The following KLK6 variants were observed in gnomAD, a reference collection of about 807,000 sequenced individuals.
KLK6 encodes kallikrein-6.
KLK6 carries 16 observed loss-of-function variants against 21.7 expected under a neutral mutation model. That is an observed-to-expected ratio of 0.74 (90% confidence interval 0.50 to 1.12). KLK6 has a LOEUF of 1.12. Ranked by LOEUF, KLK6 falls within the 50% of genes most tolerant of loss-of-function variation. The probability of loss-of-function intolerance (pLI) is 0.00; values close to 1 mark genes in which losing one functional copy is unlikely to be tolerated. For missense variants in KLK6, 276 were observed against 304.6 expected, an observed-to-expected ratio of 0.91 and a Z score of 0.70; for synonymous variants, 116 against 120.1, an observed-to-expected ratio of 0.97 and a Z score of 0.22.
intron 6 of KLK6, among the ~76,000 whole-genome samples, chr19:50,960,066 G>A (rs2123617685): frequency 1.5e-5 from 1 of 68,222 alleles, no homozygotes; most frequent in African/African-American, 9.4e-5. Context: ...GGAGGGGGGA[G>A]GAGGAGGGGG....
intron 4 of KLK6, among the ~76,000 whole-genome samples, chr19:50,966,612 C>T (rs1200472012): frequency 6.6e-6 from 1 of 152,168 alleles, no homozygotes; most frequent in East Asian, 1.9e-4. Context: ...ACCAGCCTGG[C>T]CAACATGGTG....
In KLK6 at chr19:50,963,499, G is replaced by A. The variant is rs138901003; in HGVS notation, c.248C>T (p.Ser83Phe). The A allele has an allele frequency of 2.8e-5, 45 of 1,614,048 alleles. No individual in the cohort carries two copies. The Admixed American group carries it at 2.8e-4, about 10-fold the overall frequency. ...GKHNLRQRES[S>F]QEQSSVVRAV... ...CCGGACAACAGAACTCTGCTCCTGG[G>A]AACTCTCCCTTTGCCGAAGGTTATG... Residue 83 changes from serine to phenylalanine, a missense_variant, in exon 5 of 7, where the codon TCC becomes TTC. Coordinates refer to ENST00000310157, the MANE Select transcript of KLK6 (RefSeq NM_002774.4).
At position 50,963,317 on chromosome 19, in the gene KLK6, C is replaced by G. The variant is rs748774581; in HGVS notation, c.430G>C (p.Gly144Arg). The change falls in exon 5 of 7, where the codon GGC becomes CGC. Residue 144 changes from glycine to arginine, a missense_variant. Physicochemically the swap from Gly to Arg is moderately radical, Grantham distance 125. Transcript: ENST00000310157. ...CACTACTGACCATCTGCTGTCTTGC[C>G]CCAGCCCAGGATGTGGCAGCTGGTG... ...NTTSCHILGW[G>R]KTADGDFPDT... The G allele has an allele frequency of 6.2e-7, 1 of 1,613,696 alleles. No homozygotes were observed.
chr19:50,966,706 C>A (rs1365166379), intron 4 of KLK6, among the ~76,000 whole-genome samples: 2 of 152,206 alleles, frequency 1.3e-5, no homozygotes, highest in Non-Finnish European at 2.9e-5. Context: ...GGTGCTGAGG[C>A]AGGAGAATCG....
At position 50,963,553 on chromosome 19, in the gene KLK6, G is replaced by T; in HGVS notation, c.198-4C>A. ...CCCCAGGAAGACCTGAAGATTCCTG[G>T]GAAGGAAGAGGGCTGGGTCTCACCT... On this transcript the variant is annotated splice_region_variant and splice_polypyrimidine_tract_variant and intron_variant, in intron 4 of 6. Coordinates refer to ENST00000310157, the MANE Select transcript of KLK6 (RefSeq NM_002774.4). 3.1e-6 allele frequency: 5 copies of T among 1,613,882 alleles called. No homozygotes were observed. The highest frequency in any genetic ancestry group is 4.2e-6 in the Non-Finnish European group (5 of 1,179,914).
Position 50,959,277 on chromosome 19 carries a change from G to A in KLK6, c.622C>T (p.Arg208Ter), listed in dbSNP as rs377282019. The A allele has an allele frequency of 2.0e-5, 33 of 1,613,738 alleles. No homozygotes were observed. Among genetic ancestry groups the A allele is most frequent in the African/African-American group, 5.3e-5 (4 of 74,812 alleles). The stretch of plus-strand genomic sequence containing the variant: ...ATGTTACCCCATGACACAAGGCCTC[G>A]GAGGTGGTCTCCACATACCAGCGGA... ...GGPLVCGDHL[R>*]GLVSWGNIPC... Residue 208 changes from arginine (R) to a stop codon, truncating the protein, a stop_gained, in exon 7 of 7, where the codon CGA becomes TGA. Coordinates refer to ENST00000310157, the MANE Select transcript of KLK6 (RefSeq NM_002774.4). LOFTEE classifies it low-confidence loss of function (END_TRUNC).
At chr19:50,963,252 C>T (rs1169199340) in intron 5 of KLK6, 50 bp downstream of exon 5, 1 of 1,579,312 alleles carries the variant, frequency 6.3e-7, no homozygotes, top group Non-Finnish European at 8.6e-7. Context: ...CTTTGGCACA[C>T]TTCCCCAAGT....
intron 6 of KLK6, among the ~76,000 whole-genome samples, chr19:50,960,606 T>C (rs543586536): frequency 6.6e-6 from 1 of 152,218 alleles, no homozygotes; most frequent in East Asian, 1.9e-4. Context: ...TGGTTCTTTT[T>C]GTTTTTAGAC....
At chr19:50,963,927 A>G (rs1217539965) in intron 4 of KLK6, among the ~76,000 whole-genome samples, 1 of 152,006 alleles carries the variant, frequency 6.6e-6, no homozygotes, top group East Asian at 1.9e-4. Flanking sequence ...CCACAAAGCA[A>G]CCAGAGATAT....
intron 6 of KLK6, among the ~76,000 whole-genome samples, 153 bp from the exon 7 acceptor site, chr19:50,959,469 G>C (rs1408747891): frequency 6.7e-6 from 1 of 149,784 alleles, no homozygotes. Flanking sequence ...GAAAGACTCA[G>C]GGACAGAGAG....
At chr19:50,969,043 C>T (rs113894448) in intron 1 of KLK6, 249 of 135,076 alleles carry the variant, frequency 1.8e-3, no homozygotes, top group African/African-American at 6.4e-3. Flanking sequence ...TGGACCCTTG[C>T]GTCTGAGGGA....
intron 4 of KLK6, among the ~76,000 whole-genome samples, chr19:50,965,045 C>A (rs2090903396): frequency 6.6e-6 from 1 of 152,126 alleles, no homozygotes; most frequent in Non-Finnish European, 1.5e-5. Flanking sequence ...TACCCGTATT[C>A]TTTTCCTTCA....
At chr19:50,967,448 C>T in intron 3 of KLK6, 123 bp from the exon 4 acceptor site, 1 of 933,138 alleles carries the variant, frequency 1.1e-6, no homozygotes, top group East Asian at 2.8e-5. Flanking sequence ...CCAGCTGAGG[C>T]AGGAGGATCG....
chr19:50,961,781 CACA>C lies in KLK6; in HGVS notation c.542_544del (p.Leu181del). On this transcript the variant is annotated inframe_deletion, in exon 6 of 7. Transcript: ENST00000310157. Reference sequence around the variant, plus strand: ...CTTCCCGTACTTCTCATCCCCAGCACACAACATGTTCTGGGTGATCTGGCCAGG... The same window carrying C: ...CTTCCCGTACTTCTCATCCCCAGCACACATGTTCTGGGTGATCTGGCCAGG... 6.2e-7 allele frequency: 1 copy of C among 1,614,038 alleles called. No individual in the cohort carries two copies. The highest frequency in any genetic ancestry group is 2.2e-5 in the East Asian group (1 of 44,886).
intron 5 of KLK6, 69 bp from the exon 6 acceptor site, chr19:50,961,949 C>T: frequency 1.3e-6 from 2 of 1,550,546 alleles, no homozygotes; most frequent in Non-Finnish European, 1.7e-6. Flanking sequence ...CAGTCACCCC[C>T]CAACCCCTAT....
intron 4 of KLK6, among the ~76,000 whole-genome samples, chr19:50,963,876 T>C (rs2090884404): frequency 6.6e-6 from 1 of 152,154 alleles, no homozygotes; most frequent in African/African-American, 2.4e-5. Flanking sequence ...GCCTCCTCAC[T>C]GGGCTCCCTG....
intron 4 of KLK6, among the ~76,000 whole-genome samples, chr19:50,965,650 T>G (rs1392129060): frequency 6.6e-6 from 1 of 152,202 alleles, no homozygotes; most frequent in Non-Finnish European, 1.5e-5. Context: ...TCCCATCCAT[T>G]GCTGAATCTC....
In KLK6 at chr19:50,961,736, C is replaced by A; in HGVS notation, c.582+8G>T. The A allele has an allele frequency of 1.2e-6, 2 of 1,612,114 alleles. No homozygotes were observed. The highest frequency in any genetic ancestry group is 2.2e-5 in the South Asian group (2 of 90,646). ...GGCTGTGTAAGTGGCAGATCCGGGT[C>A]ACCTCACCTGGCAGGAATCCTTCCC... On this transcript the variant is annotated splice_region_variant and intron_variant, in intron 6 of 6. Coordinates refer to ENST00000310157, the MANE Select transcript of KLK6 (RefSeq NM_002774.4).
intron 5 of KLK6, chr19:50,962,235 T>C: frequency 4.3e-6 from 1 of 233,956 alleles, no homozygotes. Flanking sequence ...GGAGGACTCT[T>C]CCTCTGTTAC....
Sources: gnomAD v4.1 joint callset for allele counts (sites outside exome capture counted in the v4.1 genomes callset) on GRCh38, gnomAD v4.1.1 for gene constraint, MANE v1.5 for transcripts, NCBI Gene and HGNC (gene_info 2026-07-23, HGNC 2026-07-21) for gene names.